FN1: variants seen among roughly 807,000 people sequenced by gnomAD.
The protein encoded by FN1 is fibronectin.
In FN1, 106 loss-of-function variants were observed where a neutral mutation model predicts 297.3. That is an observed-to-expected ratio of 0.36 (90% CI 0.30 to 0.42). The LOEUF is 0.42. FN1 is among the 10% of genes least tolerant of loss of function. FN1 has a pLI of 1.00. For synonymous variants in FN1, 1,149 were observed against 1,152.6 expected, an observed-to-expected ratio of 1.00 and a Z score of 0.06; for missense variants, 2,690 against 3,124.9, an observed-to-expected ratio of 0.86 and a Z score of 3.32.
At chr2:215,379,684 C>G (rs2057927170) in intron 33 of FN1, 1 of 245,854 alleles carries the variant, frequency 4.1e-6, no homozygotes, top group African/African-American at 2.3e-5. Context: ...GGCCCTTTTT[C>G]TTTCTTAAAA....
At chr2:215,366,281 A>C (rs2054591255) in intron 42 of FN1, among the ~76,000 whole-genome samples, 1 of 152,202 alleles carries the variant, frequency 6.6e-6, no homozygotes, top group South Asian at 2.1e-4. Flanking sequence ...AAAATTGTGG[A>C]AAACTAAAGT....
At chr2:215,426,157 T>C (rs1575814658) in intron 6 of FN1, among the ~76,000 whole-genome samples, 1 of 84,020 alleles carries the variant, frequency 1.2e-5, no homozygotes, top group Admixed American at 1.0e-4. Context: ...TTTTTTTTTT[T>C]TTTTTTTTTG....
chr2:215,413,078 T>C (rs2062909747), intron 13 of FN1, among the ~76,000 whole-genome samples: 1 of 152,158 alleles, frequency 6.6e-6, no homozygotes, highest in Admixed American at 6.6e-5. Context: ...TATTGCTGCA[T>C]TTTAGTTTGC....
chr2:215,393,225 GGA>G (rs1401002765), intron 24 of FN1, 22 bp from the exon 25 acceptor site: 3 of 1,606,572 alleles, frequency 1.9e-6, no homozygotes, highest in South Asian at 1.1e-5. Flanking sequence ...CAAAGCAAAG[GGA>G]GGGGGAGGCA....
chr2:215,385,567 G>GAGA lies in FN1; in HGVS notation c.4613-592_4613-591insTCT, dbSNP rs1553614325. On this transcript the variant is annotated intron_variant, in intron 28 of 45. Coordinates refer to ENST00000354785, the MANE Select transcript of FN1 (RefSeq NM_212482.4). ...ACAGAGCAAGACTCCATTTCAGGAA[G>GAGA]AAAAAAAAAAAAAAAAAAGTAATAC... Among the ~76,000 whole-genome samples, 90 of 113,936 alleles carry GAGA rather than the reference G, an allele frequency of 7.9e-4. 7 individuals are homozygous for GAGA. Among genetic ancestry groups the GAGA allele is most frequent in the South Asian group, 4.2e-3 (15 of 3,560 alleles). The allele number at this position is 113,936 out of a possible 152,430, so 74.7% of individuals were successfully genotyped here. A position where few individuals can be genotyped will look rare whatever the true frequency, so the allele number is the denominator to read the frequency against.
At chr2:215,378,751 G>A (rs1392842449) in intron 34 of FN1, among the ~76,000 whole-genome samples, 1 of 152,142 alleles carries the variant, frequency 6.6e-6, no homozygotes, top group East Asian at 1.9e-4. Flanking sequence ...TTTAATGAGG[G>A]TAGGCTCAAG....
At position 215,370,430 on chromosome 2, in the gene FN1, G is replaced by A. The variant is rs773008445; in HGVS notation, c.6717C>T (p.Phe2239=). ...PVGTDEEPLQ[F]RVPGTSTSAT... is the part of the protein sequence containing the mutation. ...CACTGGTAGAAGTTCCAGGAACCCT[G>A]AACTGCAATTATCGGTACATCCAAA... is the stretch of plus-strand genomic sequence containing the variant. Residue 2239 remains phenylalanine, a splice_region_variant and synonymous_variant, in exon 41 of 46, where the codon TTC becomes TTT. Coordinates refer to ENST00000354785, the MANE Select transcript of FN1 (RefSeq NM_212482.4). 5 of 1,612,210 alleles carry A rather than the reference G, an allele frequency of 3.1e-6. No individual in the cohort carries two copies. The East Asian group carries it at 8.9e-5, about 29-fold the overall frequency.
In FN1 at chr2:215,423,447, A is replaced by G; in HGVS notation, c.1296T>C (p.Thr432=). Residue 432 remains threonine (T), a synonymous_variant, in exon 9 of 46, where the codon ACT becomes ACC. Coordinates refer to ENST00000354785, the MANE Select transcript of FN1 (RefSeq NM_212482.4). ...CTCTTCTGCCCTCAGAAGTGCAATC[A>G]GTGTAATTGTGGTTGTTGTATAGGA... ...FPFLYNNHNY[T]DCTSEGRRDN... is the part of the protein sequence containing the mutation. 1 of 1,614,224 alleles carries G rather than the reference A, an allele frequency of 6.2e-7. No homozygotes were observed. The highest frequency in any genetic ancestry group is 1.1e-5 in the South Asian group (1 of 91,086).
At chr2:215,395,899 G>A (rs183222733) in intron 23 of FN1, among the ~76,000 whole-genome samples, 2 of 102,186 alleles carry the variant, frequency 2.0e-5, no homozygotes, top group Non-Finnish European at 4.3e-5. Context: ...TAACAAGCAC[G>A]AAGATTGTCA....
intron 21 of FN1, among the ~76,000 whole-genome samples, chr2:215,398,426 T>A: frequency 6.6e-6 from 1 of 152,202 alleles, no homozygotes; most frequent in East Asian, 1.9e-4. Flanking sequence ...TAGGTAACAC[T>A]GTTATCCAAT....
intron 44 of FN1, 74 bp downstream of exon 44, chr2:215,364,804 TG>T: frequency 1.0e-6 from 1 of 955,528 alleles, no homozygotes; most frequent in Non-Finnish European, 1.6e-6. Flanking sequence ...CCCTCCTGTG[TG>T]TACGACACAT....
In FN1 at chr2:215,386,883, C is replaced by G; in HGVS notation, c.4418G>C (p.Arg1473Pro). ...NSFTVHWIAP[R>P]ATITGYRIRH... Reference sequence around the variant, plus strand: ...GATCCTGTAGCCAGTGATGGTGGCTCGAGGAGCAATCCAGTGCACAGTAAA... The same window carrying G: ...GATCCTGTAGCCAGTGATGGTGGCTGGAGGAGCAATCCAGTGCACAGTAAA... The change falls in exon 28 of 46, where the codon CGA becomes CCA. Residue 1473 changes from arginine (R) to proline (P), a missense_variant. By Grantham distance (103) the Arg-to-Pro change is moderately radical (BLOSUM62 -2). Coordinates refer to ENST00000354785, the MANE Select transcript of FN1 (RefSeq NM_212482.4). 6.2e-7 allele frequency: 1 copy of G among 1,613,370 alleles called. No homozygotes were observed. Among genetic ancestry groups the G allele is most frequent in the Non-Finnish European group, 8.5e-7 (1 of 1,179,822 alleles).
chr2:215,397,916 C>T, intron 21 of FN1, 68 bp from the exon 22 acceptor site: 1 of 1,359,362 alleles, frequency 7.4e-7, no homozygotes, highest in Admixed American at 1.7e-5. Context: ...TGCTGTGAGG[C>T]TATGATTATG....
At chr2:215,395,941 T>A (rs1213573253) in intron 23 of FN1, among the ~76,000 whole-genome samples, 2 of 152,216 alleles carry the variant, frequency 1.3e-5, no homozygotes, top group Non-Finnish European at 2.9e-5. Flanking sequence ...GCAACTCAGC[T>A]GGAAATTGTA....
chr2:215,404,307 T>TTTTTTTGG, intron 20 of FN1, 82 bp downstream of exon 20: 1 of 1,233,468 alleles, frequency 8.1e-7, no homozygotes, highest in Non-Finnish European at 1.2e-6. Context: ...ATGTTTTTTT[T>TTTTTTTGG]GTTTTGTTTT....
intron 20 of FN1, among the ~76,000 whole-genome samples, chr2:215,401,255 A>AAGGAAGGAAGGAAGGAAGGAAGG (rs1559476059): frequency 3.4e-5 from 2 of 58,298 alleles, no homozygotes; most frequent in Non-Finnish European, 3.3e-5. Context: ...AGAAAGGAAG[A>AAGGAAGGAAGGAAGGAAGGAAGG]AAGAAAGGAA....
At position 215,394,604 on chromosome 2, in the gene FN1, G is replaced by A; in HGVS notation, c.3720C>T (p.Gly1240=). ...SSCTFDNLSP[G]LEYNVSVYTV... ...TGTAAACACTGACATTGTACTCCAG[G>A]CCGGGACTCAGGTTATCAAAAGTGC... Residue 1240 remains glycine (G), a synonymous_variant, in exon 24 of 46, where the codon GGC becomes GGT. Coordinates refer to ENST00000354785, the MANE Select transcript of FN1 (RefSeq NM_212482.4). The A allele has an allele frequency of 6.2e-7, 1 of 1,614,032 alleles. No homozygotes were observed. Among genetic ancestry groups the A allele is most frequent in the Non-Finnish European group, 8.5e-7 (1 of 1,179,936 alleles).
chr2:215,419,462 T>C (rs2106390289), intron 11 of FN1, 77 bp from the exon 12 acceptor site: 10 of 1,200,640 alleles, frequency 8.3e-6, no homozygotes, highest in Middle Eastern at 1.9e-4. Flanking sequence ...TGCTAGAGCA[T>C]ACATTTAGCT....
In FN1 at chr2:215,425,281, A is replaced by G. The variant is rs1229435583; in HGVS notation, c.849T>C (p.Ser283=). ...HTSVQTTSSG[S]GPFTDVRAAV... ...CTGCACGAACATCGGTGAAGGGGCCAGATCCTAATGGCATGAAAAGGGAAT... is the reference window on the plus strand; with the variant it reads ...CTGCACGAACATCGGTGAAGGGGCCGGATCCTAATGGCATGAAAAGGGAAT... Residue 283 remains serine, a synonymous_variant, in exon 7 of 46, where the codon TCT becomes TCC. Transcript: ENST00000354785. The G allele has an allele frequency of 5.0e-6, 8 of 1,613,974 alleles. No individual in the cohort carries two copies. The highest frequency in any genetic ancestry group is 2.7e-5 in the African/African-American group (2 of 74,930).
Sources: allele counts gnomAD v4.1 joint callset (sites outside exome capture counted in the v4.1 genomes callset), GRCh38; gene constraint gnomAD v4.1.1; transcripts MANE v1.5; gene names NCBI Gene and HGNC (gene_info 2026-07-23, HGNC 2026-07-21).